MIDEAS: variants seen among roughly 807,000 people sequenced by gnomAD.
MIDEAS encodes mitotic deacetylase-associated SANT domain protein.
MIDEAS carries 26 observed loss-of-function variants against 102.7 expected under a neutral mutation model. That is an observed-to-expected ratio of 0.25 (90% CI 0.19 to 0.35). The LOEUF (loss-of-function observed/expected upper bound fraction) is 0.35. Among genes scored for constraint, MIDEAS ranks in the 10% least tolerant of loss-of-function variants. MIDEAS has a pLI of 1.00. For synonymous variants in MIDEAS, 585 were observed against 591.0 expected, an observed-to-expected ratio of 0.99 and a Z score of 0.15; for missense variants, 1,231 against 1,435.6, an observed-to-expected ratio of 0.86 and a Z score of 2.30.
chr14:73,772,030 C>T (rs1442026671), intron 1 of MIDEAS, among the ~76,000 whole-genome samples: 4 of 152,206 alleles, frequency 2.6e-5, no homozygotes, highest in South Asian at 2.1e-4. Flanking sequence ...TCCATGAAAA[C>T]GCAGGTGTGA....
Position 73,727,490 on chromosome 14 carries a change from C to A in MIDEAS, c.2130G>T (p.Val710=). The A allele has an allele frequency of 1.2e-6, 2 of 1,613,822 alleles. No homozygotes were observed. Among genetic ancestry groups the A allele is most frequent in the Non-Finnish European group, 1.7e-6 (2 of 1,179,862 alleles). The change falls in exon 5 of 13, where the codon GTG becomes GTT. Residue 710 remains valine (V), a synonymous_variant. Transcript: ENST00000423556. ...TGCTCACTGGGGTGGCCTCCCCCAT[C>A]ACAGAGAGGACAGGCGGGGTTACTT... ...SAEVTPPVLS[V]MGEATPVSIE...
chr14:73,736,194 A>C (rs1239025074), intron 3 of MIDEAS, among the ~76,000 whole-genome samples: 2 of 152,164 alleles, frequency 1.3e-5, no homozygotes, highest in Admixed American at 6.5e-5. Context: ...TGAGAATAAA[A>C]GGCAAAAAGA....
rs1431531924 is a variant in MIDEAS, at chr14:73,738,622, C to T, written c.1387G>A (p.Glu463Lys). The T allele has an allele frequency of 3.1e-6, 5 of 1,612,106 alleles. No individual in the cohort carries two copies. The highest frequency in any genetic ancestry group is 3.4e-6 in the Non-Finnish European group (4 of 1,178,986). The change falls in exon 2 of 13, where the codon GAG becomes AAG. Residue 463 changes from glutamate (E) to lysine (K), a missense_variant. This residue lies in a region of MIDEAS where 758 missense variants were observed against 856.0 expected (regional missense o/e 0.89). Transcript: ENST00000423556. ...TGGGCCAGGGTCAGCAAATTGGCCT[C>T]CTGGGATGCCCGGCGCCTCCGTCGC... ...STRRRRRASQEANLLTLAQKA... is the reference protein window; with the variant it reads ...STRRRRRASQKANLLTLAQKA...
In MIDEAS at chr14:73,739,391, T is replaced by A. The variant is rs1280784170; in HGVS notation, c.618A>T (p.Lys206Asn). 27 of 1,581,392 alleles carry A rather than the reference T, an allele frequency of 1.7e-5. No homozygotes were observed. The highest frequency in any genetic ancestry group is 2.3e-5 in the Non-Finnish European group (27 of 1,162,096). ...APLNSFHAAK[K>N]PPNQSLPLQP... Reference sequence around the variant, plus strand: ...GCAGGGGCAGTGACTGGTTTGGGGGTTTCTTGGCTGCGTGGAAAGAATTCA... The same window carrying A: ...GCAGGGGCAGTGACTGGTTTGGGGGATTCTTGGCTGCGTGGAAAGAATTCA... The change falls in exon 2 of 13, where the codon AAA (lysine) becomes AAT (asparagine). Residue 206 changes from lysine to asparagine, a missense_variant. This residue lies in a region of MIDEAS where 758 missense variants were observed against 856.0 expected (regional missense o/e 0.89). Transcript: ENST00000423556.
intron 1 of MIDEAS, among the ~76,000 whole-genome samples, chr14:73,750,339 A>G (rs1428021752): frequency 3.9e-5 from 6 of 152,212 alleles, no homozygotes; most frequent in Non-Finnish European, 8.8e-5. Context: ...AAGGAATGCT[A>G]CACTTGAGAA....
intron 1 of MIDEAS, among the ~76,000 whole-genome samples, chr14:73,746,236 C>G (rs529689967): frequency 3.9e-5 from 6 of 152,194 alleles, no homozygotes; most frequent in African/African-American, 1.4e-4. Context: ...GCTGGGATAG[C>G]CAGGTTTGTT....
At chr14:73,740,513 C>T (rs2053269453) in intron 1 of MIDEAS, among the ~76,000 whole-genome samples, 1 of 152,210 alleles carries the variant, frequency 6.6e-6, no homozygotes, top group Non-Finnish European at 1.5e-5. Flanking sequence ...CTCCTGGTTC[C>T]GCTCCAGGAC....
At chr14:73,775,127 G>A (rs1365097451) in intron 1 of MIDEAS, among the ~76,000 whole-genome samples, 2 of 152,036 alleles carry the variant, frequency 1.3e-5, no homozygotes, top group Admixed American at 1.3e-4. Flanking sequence ...CAAAGGCCAA[G>A]AGCATATAAC....
chr14:73,741,389 G>T (rs917154089), intron 1 of MIDEAS, among the ~76,000 whole-genome samples: 2 of 152,054 alleles, frequency 1.3e-5, no homozygotes, highest in Non-Finnish European at 2.9e-5. Context: ...AGTTGGTGGG[G>T]GTGGGAGCTA....
At chr14:73,767,351 G>C (rs1234257588) in intron 1 of MIDEAS, among the ~76,000 whole-genome samples, 2 of 152,186 alleles carry the variant, frequency 1.3e-5, no homozygotes, top group African/African-American at 4.8e-5. Context: ...AGCTGTCATA[G>C]GGGCTGGGCA....
chr14:73,738,709 T>C lies in MIDEAS; in HGVS notation c.1300A>G (p.Met434Val). 1 of 1,613,578 alleles carries C rather than the reference T, an allele frequency of 6.2e-7. No individual in the cohort carries two copies. The highest frequency in any genetic ancestry group is 8.5e-7 in the Non-Finnish European group (1 of 1,179,804). Residue 434 changes from methionine to valine, a missense_variant, in exon 2 of 13, where the codon ATG becomes GTG. Coordinates refer to ENST00000423556, the MANE Select transcript of MIDEAS (RefSeq NM_001367710.1). ...CAGTCCCCTGTGCTCACTGCCCTCA[T>C]GCCCTCCTCGCTGCCCATGGCAGGA... ...EAPAMGSEEG[M>V]RAVSTGDCGQ... is the part of the protein sequence containing the mutation.
chr14:73,722,398 G>A, intron 10 of MIDEAS: 1 of 207,144 alleles, frequency 4.8e-6, no homozygotes, highest in Non-Finnish European at 9.7e-6. Context: ...GGTGATACAA[G>A]AATGACTGAG....
At chr14:73,753,492 T>A (rs980597591) in intron 1 of MIDEAS, among the ~76,000 whole-genome samples, 4 of 152,218 alleles carry the variant, frequency 2.6e-5, no homozygotes, top group African/African-American at 9.6e-5. Context: ...AACAGTTTCA[T>A]CTCAGTTATT....
upstream of MIDEAS, chr14:73,787,293 G>GCCGCCCCGC (rs2053824601): frequency 6.7e-6 from 1 of 148,874 alleles, no homozygotes; most frequent in Non-Finnish European, 1.5e-5. Flanking sequence ...CCTGCAGCCA[G>GCCGCCCCGC]CCGCCCCGCC....
chr14:73,719,132 G>C (rs1160829134), intron 12 of MIDEAS, 124 bp from the exon 13 acceptor site: 1 of 1,461,808 alleles, frequency 6.8e-7, no homozygotes, highest in Non-Finnish European at 9.0e-7. Context: ...CGGCCAGCTC[G>C]CGTCATTTTC....
chr14:73,737,081 G>C lies in MIDEAS; in HGVS notation c.1666C>G (p.Gln556Glu), dbSNP rs1595265897. ...GLDEDGKGPE[Q>E]NPAEHKPSVI... ...GATGGCTTGTGCTCAGCAGGGTTCT[G>C]TTCAGGACCCTTCCCGTCCTCATCA... The change falls in exon 3 of 13, where the codon CAG becomes GAG. Residue 556 changes from glutamine (Q) to glutamate (E), a missense_variant. Coordinates refer to ENST00000423556, the MANE Select transcript of MIDEAS (RefSeq NM_001367710.1). The C allele has an allele frequency of 6.2e-6, 10 of 1,614,202 alleles. No individual in the cohort carries two copies. Among genetic ancestry groups the C allele is most frequent in the Non-Finnish European group, 8.5e-6 (10 of 1,180,030 alleles).
chr14:73,748,312 A>T (rs1314173050), intron 1 of MIDEAS, among the ~76,000 whole-genome samples: 1 of 152,172 alleles, frequency 6.6e-6, no homozygotes, highest in Non-Finnish European at 1.5e-5. Context: ...AGACTTCTTT[A>T]AAAAAGATGC....
chr14:73,734,026 C>T (rs2053171478), intron 3 of MIDEAS, among the ~76,000 whole-genome samples: 1 of 151,706 alleles, frequency 6.6e-6, no homozygotes, highest in South Asian at 2.1e-4. Context: ...GCTCTGTTGC[C>T]CAGGCTGGAG....
chr14:73,722,576 A>T lies in MIDEAS; in HGVS notation c.2724+122T>A, dbSNP rs1595251840. 13 of 1,206,616 alleles carry T rather than the reference A, an allele frequency of 1.1e-5. No homozygotes were observed. In the East Asian group the frequency reaches 3.1e-4, roughly 29 times the overall value. 74.7% of individuals were successfully genotyped at this position (1,206,616 alleles called of 1,614,324 possible). ...CCAGGGCTCCTTGCGGCTGTCAGGG[A>T]CACTGTCTTCCTCAACCTGCCCTCT... On this transcript the variant is annotated intron_variant, in intron 10 of 12. Transcript: ENST00000423556.
Sources: allele counts gnomAD v4.1 joint callset (sites outside exome capture counted in the v4.1 genomes callset), GRCh38; gene constraint gnomAD v4.1.1; regional missense constraint gnomAD v4.1.1; transcripts MANE v1.5; gene names NCBI Gene and HGNC (gene_info 2026-07-23, HGNC 2026-07-21).